The following SYT9 variants were observed in gnomAD, a reference collection of about 807,000 sequenced individuals.
SYT9 encodes synaptotagmin 9, also known as synaptotagmin-9.
Under a neutral mutation model 48.4 loss-of-function variants are expected in SYT9, and 22 were observed. The ratio of observed to expected loss-of-function variants is 0.45; its 90% CI spans 0.32 to 0.65. The LOEUF (loss-of-function observed/expected upper bound fraction) is 0.65. Among genes scored for constraint, SYT9 ranks in the 30% least tolerant of loss-of-function variants. The pLI is 0.03. For synonymous variants in SYT9, 265 were observed against 245.0 expected (o/e 1.08, Z -0.76); for missense variants, 577 against 622.0 (o/e 0.93, Z 0.77).
chr11:7,401,653 G>T (rs191544530), intron 3 of SYT9, among the ~76,000 whole-genome samples: 40 of 151,550 alleles, frequency 2.6e-4, no homozygotes, highest in South Asian at 2.5e-3. Flanking sequence ...TTTATATAAG[G>T]TGTCAAATTT....
chr11:7,241,845 C>A (rs1345114273), intron 1 of SYT9, among the ~76,000 whole-genome samples: 4 of 152,178 alleles, frequency 2.6e-5, no homozygotes, highest in Admixed American at 2.6e-4. Flanking sequence ...CCAGATAATT[C>A]TAATAGGAGA....
chr11:7,421,278 A>G (rs1847350182), intron 6 of SYT9, among the ~76,000 whole-genome samples: 1 of 151,974 alleles, frequency 6.6e-6, no homozygotes, highest in Non-Finnish European at 1.5e-5. Flanking sequence ...TCCCCTCATT[A>G]TACAATATGG....
chr11:7,255,877 A>G (rs1451327905), intron 1 of SYT9, among the ~76,000 whole-genome samples: 1 of 152,190 alleles, frequency 6.6e-6, no homozygotes, highest in African/African-American at 2.4e-5. Context: ...TTTAATGTCA[A>G]TTGCTCTATG....
At chr11:7,409,441 A>G (rs548976653) in intron 3 of SYT9, among the ~76,000 whole-genome samples, 1 of 151,998 alleles carries the variant, frequency 6.6e-6, no homozygotes, top group African/African-American at 2.4e-5. Context: ...TTTTAGGAGG[A>G]TTTGTATTAG....
chr11:7,421,862 C>A (rs1410948844), intron 6 of SYT9, among the ~76,000 whole-genome samples: 1 of 152,130 alleles, frequency 6.6e-6, no homozygotes, highest in Non-Finnish European at 1.5e-5. Context: ...CAAGCATTTC[C>A]ATCCATATAA....
intron 3 of SYT9, among the ~76,000 whole-genome samples, chr11:7,349,787 C>A (rs907562007): frequency 2.0e-5 from 3 of 152,194 alleles, no homozygotes; most frequent in African/African-American, 7.2e-5. Context: ...TAAGGCCACA[C>A]AAGTGATAAA....
intron 6 of SYT9, among the ~76,000 whole-genome samples, chr11:7,455,340 T>C (rs2134153099): frequency 6.6e-6 from 1 of 151,534 alleles, no homozygotes; most frequent in East Asian, 1.9e-4. Flanking sequence ...AGCTATTTTT[T>C]TTTTTTTTTT....
chr11:7,387,004 T>C (rs916679319), intron 3 of SYT9, among the ~76,000 whole-genome samples: 3 of 152,172 alleles, frequency 2.0e-5, no homozygotes, highest in Non-Finnish European at 2.9e-5. Context: ...TGTAGGGACA[T>C]GGATGAAGCT....
chr11:7,381,924 T>C (rs1850572347), intron 3 of SYT9, among the ~76,000 whole-genome samples: 1 of 152,112 alleles, frequency 6.6e-6, no homozygotes, highest in African/African-American at 2.4e-5. Flanking sequence ...CCAGAAGCCT[T>C]TGGAGGAGGG....
At chr11:7,247,717 C>T (rs1377063307), upstream of SYT9, among the ~76,000 whole-genome samples, 2 of 148,456 alleles carry the variant, frequency 1.3e-5, no homozygotes, top group Non-Finnish European at 3.0e-5. Context: ...TTTCTTTATC[C>T]ACTCATTGAT....
At chr11:7,459,908 C>G (rs1848209540) in intron 6 of SYT9, among the ~76,000 whole-genome samples, 1 of 152,128 alleles carries the variant, frequency 6.6e-6, no homozygotes, top group African/African-American at 2.4e-5. Flanking sequence ...AGCATGGGCC[C>G]ACTGGTACCT....
At chr11:7,380,043 G>A (rs1850531685) in intron 3 of SYT9, among the ~76,000 whole-genome samples, 2 of 152,070 alleles carry the variant, frequency 1.3e-5, no homozygotes, top group Admixed American at 1.3e-4. Flanking sequence ...AACAACCTAA[G>A]TGTCTATCGA....
At chr11:7,411,622 C>G (rs938775261) in intron 3 of SYT9, among the ~76,000 whole-genome samples, 1 of 152,202 alleles carries the variant, frequency 6.6e-6, no homozygotes, top group Middle Eastern at 3.4e-3. Context: ...TGACTAGACA[C>G]TTTTGTCTTG....
chr11:7,389,604 T>G (rs12279353), intron 3 of SYT9, among the ~76,000 whole-genome samples: 132,472 of 152,008 alleles, frequency 0.87, 58,104 homozygotes, highest in Non-Finnish European at 0.93. Context: ...CCTACAATCT[T>G]AGGCAAACCA....
At position 7,384,653 on chromosome 11, in the gene SYT9, A is replaced by G. The variant is rs78994934; in HGVS notation, c.1045-31389A>G. ...CTGATCTCCCCAGACTATTCTTAAC[A>G]CTGCTGTGGGCTATCCTGTAATAGT... On this transcript the variant is annotated intron_variant, in intron 3 of 6. Coordinates refer to ENST00000318881, the MANE Select transcript of SYT9 (RefSeq NM_175733.4). Among the ~76,000 whole-genome samples the G allele has an allele frequency of 2.6e-5, 4 of 152,098 alleles. No individual in the cohort carries two copies. The East Asian group carries it at 5.8e-4, about 22-fold the overall frequency.
At chr11:7,279,248 T>C (rs938884570) in intron 1 of SYT9, among the ~76,000 whole-genome samples, 2 of 152,200 alleles carry the variant, frequency 1.3e-5, no homozygotes, top group Admixed American at 6.5e-5. Context: ...AGAGTTAGCT[T>C]AGTAAAACAA....
chr11:7,456,744 C>T (rs1044749119), intron 6 of SYT9: 3 of 152,144 alleles, frequency 2.0e-5, no homozygotes, highest in African/African-American at 4.8e-5. Flanking sequence ...TAAACAGCCC[C>T]GTCCTGTTTT....
intron 6 of SYT9, among the ~76,000 whole-genome samples, chr11:7,465,986 G>A (rs1475353288): frequency 6.6e-6 from 1 of 152,110 alleles, no homozygotes; most frequent in African/African-American, 2.4e-5. Context: ...AGTCTGGGAG[G>A]TACAACTCAA....
chr11:7,374,629 G>A lies in SYT9; in HGVS notation c.1045-41413G>A, dbSNP rs574274838. On this transcript the variant is annotated intron_variant, in intron 3 of 6. Transcript: ENST00000318881. The stretch of plus-strand genomic sequence containing the variant: ...TTGCCATTCTAACTGGCACAAGATG[G>A]TATCTCATTGTGGTTTTGATTTTCT... Among the ~76,000 whole-genome samples, 8 of 152,236 alleles carry A rather than the reference G, an allele frequency of 5.3e-5. No homozygotes were observed. In the East Asian group the frequency reaches 1.5e-3, roughly 29 times the overall value.
Sources: allele counts gnomAD v4.1 joint callset (sites outside exome capture counted in the v4.1 genomes callset), GRCh38; gene constraint gnomAD v4.1.1; transcripts MANE v1.5; gene names NCBI Gene and HGNC (gene_info 2026-07-23, HGNC 2026-07-21).